CSMD3: variants seen among roughly 807,000 people sequenced by gnomAD.
CSMD3 encodes CUB and Sushi multiple domains 3, also known as CUB and sushi domain-containing protein 3.
Under a neutral mutation model 435.2 loss-of-function variants are expected in CSMD3, and 177 were observed. The observed-to-expected ratio is 0.41, with a 90% confidence interval of 0.36 to 0.46. The LOEUF (loss-of-function observed/expected upper bound fraction) is 0.46, where lower values mean the gene tolerates loss of function less well. CSMD3 is among the 20% of genes least tolerant of loss of function. The probability of loss-of-function intolerance (pLI) is 0.34; values close to 1 mark genes in which losing one functional copy is unlikely to be tolerated. For synonymous variants in CSMD3, 1,656 were observed against 1,520.5 expected, an observed-to-expected ratio of 1.09 and a Z score of -2.07; for missense variants, 4,265 against 4,504.6, an observed-to-expected ratio of 0.95 and a Z score of 1.52.
intron 13 of CSMD3, among the ~76,000 whole-genome samples, chr8:112,754,724 C>A (rs2077650344): frequency 6.6e-6 from 1 of 152,098 alleles, no homozygotes; most frequent in Non-Finnish European, 1.5e-5. Flanking sequence ...GTGCCTGAAA[C>A]CTCTGGCAAA....
chr8:113,243,963 AT>A (rs894121805), intron 3 of CSMD3, among the ~76,000 whole-genome samples: 5 of 151,990 alleles, frequency 3.3e-5, no homozygotes, highest in African/African-American at 1.2e-4. Flanking sequence ...TTGTAATTTT[AT>A]TTTTCGGTTG....
chr8:113,234,536 A>AT (rs1045327390), intron 3 of CSMD3, among the ~76,000 whole-genome samples: 2 of 152,204 alleles, frequency 1.3e-5, no homozygotes, highest in African/African-American at 4.8e-5. Flanking sequence ...AGCAAGATGT[A>AT]TTCATGATTA....
intron 19 of CSMD3, 57 bp downstream of exon 19, chr8:112,650,104 T>G: frequency 8.0e-7 from 1 of 1,256,202 alleles, no homozygotes; most frequent in South Asian, 1.2e-5. Context: ...TATAAAAAAC[T>G]ACATTGATTT....
At chr8:112,311,314 T>G in intron 49 of CSMD3, 148 bp from the exon 50 acceptor site, 1 of 679,458 alleles carries the variant, frequency 1.5e-6, no homozygotes, top group South Asian at 1.7e-5. Context: ...CATATTGTGC[T>G]CTTTCCTCTT....
chr8:112,825,578 C>T (rs530207318), intron 12 of CSMD3, among the ~76,000 whole-genome samples: 2 of 152,112 alleles, frequency 1.3e-5, no homozygotes, highest in East Asian at 1.9e-4. Flanking sequence ...TTTCAATGGT[C>T]AGGTCCATCT....
chr8:112,503,191 C>T lies in CSMD3; in HGVS notation c.5083+599G>A, dbSNP rs567688789. Among the ~76,000 whole-genome samples, 5 of 152,288 alleles carry T rather than the reference C, an allele frequency of 3.3e-5. No individual in the cohort carries two copies. The South Asian group carries it at 1.0e-3, about 32-fold the overall frequency. On this transcript the variant is annotated intron_variant, in intron 30 of 70. Transcript: ENST00000297405. ...TCATCTCCTGGGCTCAAGTGATCCT[C>T]CTGCCTCAGCTTCTTGAGTAGCTGG...
chr8:112,645,442 A>T (rs1354818137), intron 19 of CSMD3, among the ~76,000 whole-genome samples: 1 of 152,204 alleles, frequency 6.6e-6, no homozygotes, highest in East Asian at 1.9e-4. Flanking sequence ...CAACTTTCCA[A>T]GTTTGAATTT....
At chr8:113,256,629 A>C (rs960289171) in intron 3 of CSMD3, among the ~76,000 whole-genome samples, 1 of 152,234 alleles carries the variant, frequency 6.6e-6, no homozygotes, top group Non-Finnish European at 1.5e-5. Flanking sequence ...CATTTAGAGC[A>C]GATTTCTATT....
chr8:112,378,990 A>G (rs1342129332), intron 38 of CSMD3, among the ~76,000 whole-genome samples: 1 of 152,212 alleles, frequency 6.6e-6, no homozygotes, highest in Non-Finnish European at 1.5e-5. Flanking sequence ...GAACTAATAA[A>G]TGAATCAGTA....
In CSMD3 at chr8:112,832,631, T is replaced by C. The variant is rs190105352; in HGVS notation, c.1756-2842A>G. 4.3e-3 allele frequency among the ~76,000 whole-genome samples: 647 copies of C among 152,166 alleles called. 2 individuals are homozygous for C. Among genetic ancestry groups the C allele is most frequent in the African/African-American group, 0.014 (563 of 41,518 alleles). ...GCCTAAGTCCTACAACCACAATAATTGAATTCTGACAACAAGTGAGCTTGG... is the reference window on the plus strand; with the variant it reads ...GCCTAAGTCCTACAACCACAATAATCGAATTCTGACAACAAGTGAGCTTGG... On this transcript the variant is annotated intron_variant, in intron 11 of 70. Coordinates refer to ENST00000297405, the MANE Select transcript of CSMD3 (RefSeq NM_198123.2).
intron 4 of CSMD3, among the ~76,000 whole-genome samples, chr8:113,168,660 C>T (rs1021943559): frequency 1.5e-4 from 22 of 149,792 alleles, no homozygotes; most frequent in African/African-American, 3.4e-4. Flanking sequence ...TTCATTTTGG[C>T]GAAGTACAAT....
rs772947701 is a variant in CSMD3, at chr8:112,408,948, A to G, written c.5480T>C (p.Leu1827Pro). The part of the protein sequence containing the change: ...VYDGPTQQSS[L>P]LSSLSGSHSG... ...ATGGGATCCTGAGAGGGAAGATAAC[A>G]GAGAAGATTGCTGAGTTGGCCCATC... The change falls in exon 33 of 71, where the codon CTG (leucine) becomes CCG (proline). Residue 1827 changes from leucine (L) to proline (P), a missense_variant. By Grantham distance (98) the Leu-to-Pro change is moderately conservative (BLOSUM62 -3). Around this residue, in one of 3 missense-constraint regions of CSMD3, gnomAD observed 3,255 missense variants for 3,380.2 expected, o/e 0.96. Coordinates refer to ENST00000297405, the MANE Select transcript of CSMD3 (RefSeq NM_198123.2). The G allele has an allele frequency of 1.9e-6, 3 of 1,613,648 alleles. No homozygotes were observed. The South Asian group carries it at 3.3e-5, about 18-fold the overall frequency.
intron 3 of CSMD3, among the ~76,000 whole-genome samples, chr8:113,177,042 C>T (rs6469451): frequency 0.68 from 102,976 of 151,160 alleles, 36,876 homozygotes; most frequent in East Asian, 0.95. Context: ...CATAAAATTA[C>T]AGATTTTATA....
chr8:113,074,010 A>G (rs939129873), intron 5 of CSMD3, among the ~76,000 whole-genome samples: 1 of 151,778 alleles, frequency 6.6e-6, no homozygotes, highest in Admixed American at 6.6e-5. Context: ...TTTACACTTA[A>G]CCTTTCTGCC....
At chr8:112,404,428 G>C (rs1259885656) in intron 35 of CSMD3, among the ~76,000 whole-genome samples, 3 of 151,846 alleles carry the variant, frequency 2.0e-5, no homozygotes, top group Non-Finnish European at 4.4e-5. Flanking sequence ...TACTTGGGAG[G>C]CTGAGGCAGG....
At chr8:112,951,505 T>G (rs924636684) in intron 8 of CSMD3, among the ~76,000 whole-genome samples, 1 of 151,796 alleles carries the variant, frequency 6.6e-6, no homozygotes, top group Non-Finnish European at 1.5e-5. Flanking sequence ...ATTTAAATTT[T>G]TATTTCAACT....
intron 38 of CSMD3, among the ~76,000 whole-genome samples, chr8:112,363,694 G>C (rs1257313070): frequency 6.6e-6 from 1 of 151,960 alleles, no homozygotes; most frequent in Non-Finnish European, 1.5e-5. Flanking sequence ...TGAAAAATCA[G>C]TGAGATAATC....
intron 1 of CSMD3, among the ~76,000 whole-genome samples, chr8:113,423,579 T>C (rs966658474): frequency 6.6e-6 from 1 of 151,978 alleles, no homozygotes; most frequent in Non-Finnish European, 1.5e-5. Flanking sequence ...CTTTGTCAAG[T>C]GTAAAAAGAC....
At chr8:112,379,899 G>A (rs1829311749) in intron 38 of CSMD3, among the ~76,000 whole-genome samples, 1 of 152,188 alleles carries the variant, frequency 6.6e-6, no homozygotes. Context: ...AATACTTCAT[G>A]ATTCCACTTC....
Sources: allele counts gnomAD v4.1 joint callset (sites outside exome capture counted in the v4.1 genomes callset), GRCh38; gene constraint gnomAD v4.1.1; regional missense constraint gnomAD v4.1.1; transcripts MANE v1.5; gene names NCBI Gene and HGNC (gene_info 2026-07-23, HGNC 2026-07-21).